The following RUNDC3B variants were observed in gnomAD, a reference collection of about 807,000 sequenced individuals.
The protein encoded by RUNDC3B is RUN domain containing 3B, also known as RUN domain-containing protein 3B.
A neutral mutation model predicts 58.4 loss-of-function variants in RUNDC3B; 33 were observed. The ratio of observed to expected loss-of-function variants is 0.56; its 90% confidence interval spans 0.43 to 0.75. RUNDC3B has a LOEUF of 0.75. Ranked by LOEUF, RUNDC3B falls within the 30% of genes least tolerant of loss-of-function variation. The probability of loss-of-function intolerance (pLI) is 0.00; values close to 1 mark genes in which losing one functional copy is unlikely to be tolerated. For missense variants in RUNDC3B, 501 were observed against 535.7 expected (o/e 0.94, Z 0.64); for synonymous variants, 193 against 195.2 (o/e 0.99, Z 0.10).
chr7:87,783,478 A>G (rs1382310706), intron 8 of RUNDC3B, among the ~76,000 whole-genome samples: 2 of 152,006 alleles, frequency 1.3e-5, no homozygotes, highest in East Asian at 3.9e-4. Context: ...GTGTTTTTTA[A>G]GTGGGGCATT....
rs181386371 is a variant in RUNDC3B, at chr7:87,774,329, T to A, written c.799-3469T>A. Among the ~76,000 whole-genome samples, 48 of 152,094 alleles carry A rather than the reference T, an allele frequency of 3.2e-4. No homozygotes were observed. In the East Asian group the frequency reaches 8.9e-3, roughly 28 times the overall value. ...AAACAATGAAAATTAAAGAGATAAG[T>A]ATCCAAGAAGTAGTGAAAGAACAAC... On this transcript the variant is annotated intron_variant, in intron 7 of 10. Transcript: ENST00000394654.
At chr7:87,775,081 T>G (rs1395470446) in intron 7 of RUNDC3B, among the ~76,000 whole-genome samples, 2 of 152,184 alleles carry the variant, frequency 1.3e-5, no homozygotes, top group African/African-American at 4.8e-5. Context: ...AACAAAAAAG[T>G]TAAATGTTAA....
chr7:87,737,206 T>A (rs1350923294), intron 4 of RUNDC3B, among the ~76,000 whole-genome samples: 5 of 152,032 alleles, frequency 3.3e-5, no homozygotes, highest in Non-Finnish European at 7.4e-5. Context: ...CATAAAAATT[T>A]TCTTTAGAAC....
At chr7:87,818,969 T>C (rs926659651) in intron 10 of RUNDC3B, among the ~76,000 whole-genome samples, 1 of 152,148 alleles carries the variant, frequency 6.6e-6, no homozygotes, top group African/African-American at 2.4e-5. Context: ...TAGGAGGTAC[T>C]TCCGGCAGCA....
intron 6 of RUNDC3B, among the ~76,000 whole-genome samples, chr7:87,759,135 TG>T (rs1417078458): frequency 5.3e-5 from 8 of 152,178 alleles, no homozygotes; most frequent in African/African-American, 1.7e-4. Context: ...ATATACACAA[TG>T]GAATATTATT....
intron 7 of RUNDC3B, among the ~76,000 whole-genome samples, chr7:87,772,608 A>G (rs1563199649): frequency 6.6e-6 from 1 of 152,158 alleles, no homozygotes; most frequent in Non-Finnish European, 1.5e-5. Context: ...AGAAGTTGCA[A>G]TTAAGAGAAT....
chr7:87,717,759 C>A lies in RUNDC3B; in HGVS notation c.458+7104C>A, dbSNP rs184405067. 8.3e-4 allele frequency among the ~76,000 whole-genome samples: 126 copies of A among 152,058 alleles called. 1 individual carries two copies. The highest frequency in any genetic ancestry group is 3.0e-3 in the African/African-American group (123 of 41,482). On this transcript the variant is annotated intron_variant, in intron 4 of 10. Transcript: ENST00000394654. ...GAAGACTTGTATCAAAATTTCAAAG[C>A]CTGGATAGTCCCAATGATTTTGAAA... is the stretch of plus-strand genomic sequence containing the variant.
chr7:87,791,840 A>C (rs1013225900), intron 8 of RUNDC3B, among the ~76,000 whole-genome samples: 40 of 152,256 alleles, frequency 2.6e-4, no homozygotes, highest in Middle Eastern at 3.4e-3. Context: ...GAAAACAACA[A>C]AATGATAGGA....
At chr7:87,753,417 C>T (rs566602833) in intron 6 of RUNDC3B, among the ~76,000 whole-genome samples, 1 of 152,062 alleles carries the variant, frequency 6.6e-6, no homozygotes, top group East Asian at 1.9e-4. Flanking sequence ...GAGTTCAATT[C>T]CTGGGTATCC....
intron 8 of RUNDC3B, among the ~76,000 whole-genome samples, chr7:87,800,653 CTTTTTTTTTT>C (rs571588791): frequency 7.3e-6 from 1 of 137,606 alleles, no homozygotes; most frequent in Admixed American, 7.3e-5. Flanking sequence ...CTTTTCTTTT[CTTTTTTTTTT>C]TTTTTTGAGA....
At chr7:87,751,097 T>C (rs1473206178) in intron 6 of RUNDC3B, among the ~76,000 whole-genome samples, 11 of 152,244 alleles carry the variant, frequency 7.2e-5, no homozygotes, top group Non-Finnish European at 1.5e-4. Flanking sequence ...TTTCTACATA[T>C]GGCTAGCCAG....
chr7:87,830,286 A>T lies in RUNDC3B; in HGVS notation c.*256A>T, dbSNP rs1838062150. On this transcript the variant is annotated 3_prime_UTR_variant, in exon 11 of 11. Coordinates refer to ENST00000394654, the MANE Select transcript of RUNDC3B (RefSeq NM_001134405.2). ...GGCTTTAAAAAAAAAAAAACTTTCA[A>T]AGATCCGCCAAATCATTCATAGCAA... 4.0e-6 allele frequency: 1 copy of T among 251,586 alleles called. No homozygotes were observed. Among genetic ancestry groups the T allele is most frequent in the Non-Finnish European group, 7.5e-6 (1 of 133,724 alleles). The allele number at this position is 251,586 out of a possible 1,614,324, so 15.6% of individuals were successfully genotyped here.
chr7:87,701,344 T>A (rs550171176), intron 3 of RUNDC3B, among the ~76,000 whole-genome samples: 2 of 152,354 alleles, frequency 1.3e-5, no homozygotes, highest in South Asian at 4.1e-4. Flanking sequence ...ATTAAAGCTT[T>A]TAAGTAAAAA....
chr7:87,700,342 G>C lies in RUNDC3B; in HGVS notation c.239-79G>C, dbSNP rs186170052. On this transcript the variant is annotated intron_variant, in intron 2 of 10. Transcript: ENST00000394654. ...TTCACTATATTACCTTTATTTTTCA[G>C]AATTTTATTGTTCTTGCATTTTCAA... 141 of 1,250,574 alleles carry C rather than the reference G, an allele frequency of 1.1e-4. 1 individual carries two copies. In the East Asian group the frequency reaches 1.7e-3, roughly 15 times the overall value. The allele number at this position is 1,250,574 out of a possible 1,614,324, so 77.5% of individuals were successfully genotyped here.
intron 10 of RUNDC3B, among the ~76,000 whole-genome samples, chr7:87,821,332 A>C (rs1837419545): frequency 6.6e-6 from 1 of 152,186 alleles, no homozygotes; most frequent in Non-Finnish European, 1.5e-5. Context: ...CCAACTTACA[A>C]GGGATGTGAA....
Position 87,710,667 on chromosome 7 carries a change from CT to C in RUNDC3B, c.458+16del. On this transcript the variant is annotated intron_variant, in intron 4 of 10. Coordinates refer to ENST00000394654, the MANE Select transcript of RUNDC3B (RefSeq NM_001134405.2). The stretch of plus-strand genomic sequence containing the variant: ...TTCAAAACAACCAGGTTTAAAAGTC[CT>C]TTTAATTTTCTAATATATATTTGAA... 2.1e-6 allele frequency: 3 copies of C among 1,448,384 alleles called. No homozygotes were observed. The highest frequency in any genetic ancestry group is 2.5e-5 in the South Asian group (2 of 80,900). The allele number at this position is 1,448,384 out of a possible 1,614,324, so 89.7% of individuals were successfully genotyped here.
chr7:87,753,430 G>T (rs1833152245), intron 6 of RUNDC3B, among the ~76,000 whole-genome samples: 1 of 152,044 alleles, frequency 6.6e-6, no homozygotes, highest in African/African-American at 2.4e-5. Flanking sequence ...GGGTATCCTT[G>T]TTGACTTTCT....
Position 87,628,772 on chromosome 7 carries a change from G to A in RUNDC3B, c.-52G>A, listed in dbSNP as rs555951072. On this transcript the variant is annotated 5_prime_UTR_variant, in exon 1 of 11. Coordinates refer to ENST00000394654, the MANE Select transcript of RUNDC3B (RefSeq NM_001134405.2). ...AGCGAGAACCCCCTTAAGCAGGTGT[G>A]GGGGGCGTGCGGGGTGGCACGAGAC... 9 of 1,117,390 alleles carry A rather than the reference G, an allele frequency of 8.1e-6. No individual in the cohort carries two copies. The highest frequency in any genetic ancestry group is 4.8e-5 in the African/African-American group (3 of 62,124). The allele number at this position is 1,117,390 out of a possible 1,614,324, so 69.2% of individuals were successfully genotyped here.
intron 2 of RUNDC3B, among the ~76,000 whole-genome samples, chr7:87,671,753 C>T (rs1443487488): frequency 3.3e-5 from 5 of 152,070 alleles, no homozygotes; most frequent in Admixed American, 2.0e-4. Context: ...GCAGCTGTTC[C>T]GTGCTGTGCT....
Sources: allele counts gnomAD v4.1 joint callset (sites outside exome capture counted in the v4.1 genomes callset), GRCh38; gene constraint gnomAD v4.1.1; transcripts MANE v1.5; gene names NCBI Gene and HGNC (gene_info 2026-07-23, HGNC 2026-07-21).